PIP5KL1: variants seen among roughly 807,000 people sequenced by gnomAD.
PIP5KL1 encodes the protein phosphatidylinositol 4-phosphate 5-kinase-like protein 1.
Under a neutral mutation model 47.6 loss-of-function variants are expected in PIP5KL1, and 45 were observed. The observed-to-expected ratio is 0.94, with a 90% CI of 0.74 to 1.21. The LOEUF (loss-of-function observed/expected upper bound fraction) is 1.21, where lower values mean the gene tolerates loss of function less well. Ranked by LOEUF, PIP5KL1 falls within the 50% of genes most tolerant of loss-of-function variation. The pLI, the probability that PIP5KL1 is intolerant of heterozygous loss-of-function variation, is 0.00. For missense variants in PIP5KL1, 577 were observed against 547.6 expected (o/e 1.05, Z -0.54); for synonymous variants, 256 against 234.6 (o/e 1.09, Z -0.84).
Position 127,927,443 on chromosome 9 carries a change from G to T in PIP5KL1, c.560-112C>A. ...CTCCTTCTCAAGATCCGCGGCACCT[G>T]GACCCTTCCTTGGCTGGTCCGGATC... On this transcript the variant is annotated intron_variant, in intron 5 of 9. Transcript: ENST00000388747. The surrounding 1 kb of genome is among the most constrained non-coding windows in gnomAD (Gnocchi z 5.5). 6.7e-7 allele frequency: 1 copy of T among 1,501,702 alleles called. No individual in the cohort carries two copies. The highest frequency in any genetic ancestry group is 1.2e-5 in the South Asian group (1 of 80,248). The allele number at this position is 1,501,702 out of a possible 1,614,324, so 93.0% of individuals were successfully genotyped here.
Position 127,921,674 on chromosome 9 carries a change from G to A in PIP5KL1, c.*173C>T. On this transcript the variant is annotated 3_prime_UTR_variant, in exon 10 of 10. Transcript: ENST00000388747. ...AAAGTAGGGGAGTCCTTGGCACGAT[G>A]CTGGGCACGGCACCACCGTCAAACG... 2 of 885,050 alleles carry A rather than the reference G, an allele frequency of 2.3e-6. No homozygotes were observed. Among genetic ancestry groups the A allele is most frequent in the Non-Finnish European group, 3.3e-6 (2 of 598,572 alleles). 54.8% of individuals were successfully genotyped at this position (885,050 alleles called of 1,614,324 possible). A position where few individuals can be genotyped will look rare whatever the true frequency, so the allele number is the denominator to read the frequency against.
rs1268474122 is a variant in PIP5KL1 at position 127,922,022 on chromosome 9, C to T, written c.1010G>A (p.Gly337Glu). The change falls in exon 10 of 10, where the codon GGG becomes GAG. Residue 337 changes from glycine (G) to glutamate (E), a missense_variant. Gly to Glu is a moderately conservative substitution (Grantham distance 98, BLOSUM62 -2). Coordinates refer to ENST00000388747, the MANE Select transcript of PIP5KL1 (RefSeq NM_001135219.2). ...GCCCAGGAAATAGCGCTGCTCGGGC[C>T]CGTCCAGGATGTGTAGGGCGTTGGG... ...DAPNALHILDGPEQRYFLGVV... is the reference protein window; with the variant it reads ...DAPNALHILDEPEQRYFLGVV... 6.3e-7 allele frequency: 1 copy of T among 1,575,248 alleles called. No individual in the cohort carries two copies.
At chr9:127,925,325 T>C in intron 8 of PIP5KL1, 65 bp from the exon 9 acceptor site, 2 of 1,561,416 alleles carry the variant, frequency 1.3e-6, no homozygotes, top group Non-Finnish European at 1.7e-6. Flanking sequence ...CTCCACACAC[T>C]CTGCCCCGTG....
chr9:127,927,743 TG>T lies in PIP5KL1; in HGVS notation c.463del (p.Gln155ArgfsTer71). ...CAGAGCCTGCACCTCTCGGCGCCCC[TG>T]GGTCTTCAGGAAGAAGCGCTGGTCG... Reference protein sequence around the residue: ...SHDQRFFLKTQGRREVQALLA... With the variant: ...SHDQRFFLKTXGRREVQALLA... On this transcript the variant is annotated frameshift_variant, in exon 5 of 10. Transcript: ENST00000388747. LOFTEE classifies it high-confidence loss of function. This position sits in a 1 kb window ranked among gnomAD's most constrained non-coding sequence, Gnocchi z 5.5. 1 of 1,559,140 alleles carries T rather than the reference TG, an allele frequency of 6.4e-7. No homozygotes were observed. Among genetic ancestry groups the T allele is most frequent in the East Asian group, 2.4e-5 (1 of 41,712 alleles).
intron 7 of PIP5KL1, among the ~76,000 whole-genome samples, 188 bp from the exon 8 acceptor site, chr9:127,926,167 T>C (rs543083658): frequency 2.7e-5 from 4 of 149,994 alleles, no homozygotes; most frequent in South Asian, 4.2e-4. Flanking sequence ...CTCTCTCTCT[T>C]TTCTTTCTTT....
chr9:127,926,109 G>A, intron 7 of PIP5KL1, 130 bp from the exon 8 acceptor site: 1 of 496,380 alleles, frequency 2.0e-6, no homozygotes, highest in South Asian at 3.6e-5. Flanking sequence ...GCACAACCCT[G>A]GCCTGTCTTT....
In PIP5KL1 at chr9:127,928,146, T is replaced by C; in HGVS notation, c.353A>G (p.Asp118Gly). ...LRRSLGLAEE[D>G]YQAALGPGGP... ...GCCGGGGCCCAGGGCAGCCTGATAG[T>C]CCTCCTCCGCCAGGCCCAGGGAGCG... The change falls in exon 4 of 10, where the codon GAC becomes GGC. Residue 118 changes from aspartate (D) to glycine (G), a missense_variant. Coordinates refer to ENST00000388747, the MANE Select transcript of PIP5KL1 (RefSeq NM_001135219.2). The C allele has an allele frequency of 6.5e-7, 1 of 1,544,292 alleles. No homozygotes were observed. The highest frequency in any genetic ancestry group is 1.2e-5 in the South Asian group (1 of 82,948).
At position 127,927,010 on chromosome 9, in the gene PIP5KL1, G is replaced by T; in HGVS notation, c.650+143C>A. Reference sequence around the variant, plus strand: ...TGCTCCAGAGATGCTGGGTGTGGGCGTCACTGTCTCTGACCCACCAGATCT... The same window carrying T: ...TGCTCCAGAGATGCTGGGTGTGGGCTTCACTGTCTCTGACCCACCAGATCT... On this transcript the variant is annotated intron_variant, in intron 7 of 9. Transcript: ENST00000388747. The surrounding 1 kb of genome is among the most constrained non-coding windows in gnomAD (Gnocchi z 5.5). 1.0e-6 allele frequency: 1 copy of T among 976,764 alleles called. No individual in the cohort carries two copies. Among genetic ancestry groups the T allele is most frequent in the South Asian group, 1.7e-5 (1 of 57,968 alleles). The allele number at this position is 976,764 out of a possible 1,614,324, so 60.5% of individuals were successfully genotyped here.
At chr9:127,928,323 G>T in intron 3 of PIP5KL1, 104 bp from the exon 4 acceptor site, 1 of 1,539,266 alleles carries the variant, frequency 6.5e-7, no homozygotes. Context: ...TTCCTGCAAG[G>T]CTCAAGTCTC....
At chr9:127,923,049 G>A (rs1275108251) in intron 9 of PIP5KL1, among the ~76,000 whole-genome samples, 2 of 152,226 alleles carry the variant, frequency 1.3e-5, no homozygotes, top group East Asian at 1.9e-4. Flanking sequence ...TCTCAGGGTT[G>A]TGAAGCAGAA....
At chr9:127,925,462 T>G (rs1420960984) in intron 8 of PIP5KL1, 2 of 586,772 alleles carry the variant, frequency 3.4e-6, no homozygotes, top group South Asian at 2.2e-5. Flanking sequence ...CCAGAATCTC[T>G]TTTATTTTTA....
intron 8 of PIP5KL1, chr9:127,925,461 C>T (rs1831348726): frequency 1.7e-6 from 1 of 597,016 alleles, no homozygotes; most frequent in African/African-American, 1.9e-5. Flanking sequence ...TCCAGAATCT[C>T]TTTTATTTTT....
intron 9 of PIP5KL1, among the ~76,000 whole-genome samples, 147 bp downstream of exon 9, chr9:127,924,950 ACACACGCGCG>A (rs1456722856): frequency 6.6e-6 from 1 of 151,794 alleles, no homozygotes; most frequent in African/African-American, 2.4e-5. Flanking sequence ...ACACATATGC[ACACACGCGCG>A]CACACGCACA....
chr9:127,928,145 GTCC>G lies in PIP5KL1; in HGVS notation c.351_353del (p.Glu117del). ...CGCCGGGGCCCAGGGCAGCCTGATAGTCCTCCTCCGCCAGGCCCAGGGAGCGGC... is the reference window on the plus strand; with the variant it reads ...CGCCGGGGCCCAGGGCAGCCTGATAGTCCTCCGCCAGGCCCAGGGAGCGGC... On this transcript the variant is annotated inframe_deletion, in exon 4 of 10. Coordinates refer to ENST00000388747, the MANE Select transcript of PIP5KL1 (RefSeq NM_001135219.2). 1 of 1,544,856 alleles carries G rather than the reference GTCC, an allele frequency of 6.5e-7. No homozygotes were observed. The highest frequency in any genetic ancestry group is 8.7e-7 in the Non-Finnish European group (1 of 1,145,924).
At chr9:127,928,941 C>A in intron 2 of PIP5KL1, 1 of 184,928 alleles carries the variant, frequency 5.4e-6, no homozygotes, top group Non-Finnish European at 1.1e-5. Context: ...AGGGTGCTCG[C>A]ACCAGTAGAA....
intron 9 of PIP5KL1, among the ~76,000 whole-genome samples, chr9:127,924,286 T>A (rs1831328389): frequency 6.6e-6 from 1 of 151,814 alleles, no homozygotes; most frequent in African/African-American, 2.4e-5. Context: ...GGTCAGGAGT[T>A]CAAGACCAGC....
At position 127,927,303 on chromosome 9, in the gene PIP5KL1, T is replaced by TC. The variant is rs1237000896; in HGVS notation, c.587dup (p.Lys198GlufsTer22). 6.2e-7 allele frequency: 1 copy of TC among 1,610,810 alleles called. No individual in the cohort carries two copies. Among genetic ancestry groups the TC allele is most frequent in the African/African-American group, 1.3e-5 (1 of 74,818 alleles). On this transcript the variant is annotated frameshift_variant, in exon 6 of 10. Transcript: ENST00000388747. LOFTEE classifies it high-confidence loss of function. The surrounding 1 kb of genome is among the most constrained non-coding windows in gnomAD (Gnocchi z 5.5). ...TCGCCTCGGCTTCACCCACCTTCTTTCCCCGGTCCACCCGCAGACTGTGCA... is the reference window on the plus strand; with the variant it reads ...TCGCCTCGGCTTCACCCACCTTCTTTCCCCCGGTCCACCCGCAGACTGTGCA...
rs1206253039 is a variant in PIP5KL1, at chr9:127,921,725, A to G, written c.*122T>C. The stretch of plus-strand genomic sequence containing the variant: ...GGACTGCGCGGTTACGGTATTAGTT[A>G]GGGGATGCTGCCCTCTGGCGACCAT... On this transcript the variant is annotated 3_prime_UTR_variant, in exon 10 of 10. Transcript: ENST00000388747. 4.5e-6 allele frequency: 6 copies of G among 1,336,226 alleles called. No homozygotes were observed. The highest frequency in any genetic ancestry group is 6.0e-6 in the Non-Finnish European group (6 of 1,003,154). The allele number at this position is 1,336,226 out of a possible 1,614,324, so 82.8% of individuals were successfully genotyped here.
chr9:127,928,811 G>C (rs1210634179), intron 2 of PIP5KL1: 14 of 380,072 alleles, frequency 3.7e-5, no homozygotes, highest in Non-Finnish European at 3.8e-5. Flanking sequence ...CCAGTACAAG[G>C]GGGTGGCCCT....
Sources: allele counts gnomAD v4.1 joint callset (sites outside exome capture counted in the v4.1 genomes callset), GRCh38; gene constraint gnomAD v4.1.1; non-coding constraint Gnocchi (gnomAD v3.1); transcripts MANE v1.5; gene names NCBI Gene and HGNC (gene_info 2026-07-23, HGNC 2026-07-21).